Variants in PIEZO2 observed in about 807,000 individuals in gnomAD.
PIEZO2 encodes piezo-type mechanosensitive ion channel component 2.
A neutral mutation model predicts 337.3 loss-of-function variants in PIEZO2; 172 were observed. The ratio of observed to expected loss-of-function variants is 0.51; its 90% confidence interval spans 0.45 to 0.58. PIEZO2 has a LOEUF of 0.58. Among genes scored for constraint, PIEZO2 ranks in the 20% least tolerant of loss-of-function variants. The pLI is 0.00. For synonymous variants in PIEZO2, 1,251 were observed against 1,228.5 expected (o/e 1.02, Z -0.38); for missense variants, 3,028 against 3,391.3 (o/e 0.89, Z 2.66).
chr18:11,049,654 T>TC (rs1394498724), intron 2 of PIEZO2, among the ~76,000 whole-genome samples: 1 of 152,134 alleles, frequency 6.6e-6, no homozygotes, highest in East Asian at 1.9e-4. Context: ...GGGGATGGTT[T>TC]CCCCCATACT....
intron 21 of PIEZO2, among the ~76,000 whole-genome samples, chr18:10,765,064 G>A (rs897932246): frequency 6.6e-6 from 1 of 152,202 alleles, no homozygotes; most frequent in African/African-American, 2.4e-5. Flanking sequence ...GGAAGTAAAG[G>A]TGGTAACTTT....
intron 2 of PIEZO2, among the ~76,000 whole-genome samples, chr18:11,012,870 C>T (rs1490573625): frequency 1.3e-5 from 2 of 152,004 alleles, no homozygotes; most frequent in Non-Finnish European, 2.9e-5. Flanking sequence ...CACAGTGAGA[C>T]CAGTCTGTAC....
chr18:10,771,115 A>T (rs11876860), intron 20 of PIEZO2, among the ~76,000 whole-genome samples: 4,271 of 152,322 alleles, frequency 0.028, 197 homozygotes, highest in African/African-American at 0.097. Context: ...TCCTTCTAAA[A>T]GACATCTTTC....
intron 8 of PIEZO2, 89 bp from the exon 9 acceptor site, chr18:10,804,083 C>T (rs2039916975): frequency 3.5e-6 from 5 of 1,437,560 alleles, no homozygotes; most frequent in African/African-American, 2.9e-5. Flanking sequence ...CATTTTGGCT[C>T]AGTATGATGA....
chr18:10,866,524 A>T (rs541982664), intron 5 of PIEZO2, among the ~76,000 whole-genome samples: 65 of 152,244 alleles, frequency 4.3e-4, no homozygotes, highest in African/African-American at 1.5e-3. Flanking sequence ...CGACCTCGTG[A>T]TCTGCCCACC....
Position 11,065,992 on chromosome 18 carries a change from A to G in PIEZO2, c.160+135T>C. ...CTTAGTGTAGTTCTTAAAATGTTTG[A>G]CACCCACTCCATGCCATATTAGCCC... is the stretch of plus-strand genomic sequence containing the variant. On this transcript the variant is annotated intron_variant, in intron 2 of 55. Coordinates refer to ENST00000674853, the MANE Select transcript of PIEZO2 (RefSeq NM_001378183.1). The G allele has an allele frequency of 4.6e-6, 3 of 649,740 alleles. 1 individual carries two copies. Among genetic ancestry groups the G allele is most frequent in the Non-Finnish European group, 7.8e-6 (3 of 386,706 alleles). The allele number at this position is 649,740 out of a possible 1,614,324, so 40.2% of individuals were successfully genotyped here.
At chr18:11,084,839 C>T (rs2038863131) in intron 1 of PIEZO2, among the ~76,000 whole-genome samples, 1 of 152,174 alleles carries the variant, frequency 6.6e-6, no homozygotes, top group Non-Finnish European at 1.5e-5. Context: ...GGCCAGGCCC[C>T]TCCTTTGCCT....
rs1484605685 is a variant in PIEZO2 at position 10,863,905 on chromosome 18, C to T, written c.493-6694G>A. Among the ~76,000 whole-genome samples, 1 of 152,098 alleles carries T rather than the reference C, an allele frequency of 6.6e-6. No individual in the cohort carries two copies. Among genetic ancestry groups the T allele is most frequent in the Non-Finnish European group, 1.5e-5 (1 of 68,012 alleles). The stretch of plus-strand genomic sequence containing the variant: ...ACACACCTATATCATCCACTCAGTT[C>T]ACATTAGTTCCAGAGATTACTACTC... On this transcript the variant is annotated intron_variant, in intron 5 of 55. Transcript: ENST00000674853. The surrounding 1 kb of genome is among the most constrained non-coding windows in gnomAD (Gnocchi z 4.3).
At chr18:10,923,435 T>A (rs1432378093) in intron 3 of PIEZO2, among the ~76,000 whole-genome samples, 1 of 152,148 alleles carries the variant, frequency 6.6e-6, no homozygotes, top group African/African-American at 2.4e-5. Context: ...CAAAGGTGGA[T>A]CTCAGCATTC....
In PIEZO2 at chr18:11,047,933, A is replaced by G. The variant is rs2037377699; in HGVS notation, c.160+18194T>C. Among the ~76,000 whole-genome samples, 1 of 152,212 alleles carries G rather than the reference A, an allele frequency of 6.6e-6. No individual in the cohort carries two copies. Among genetic ancestry groups the G allele is most frequent in the Admixed American group, 6.5e-5 (1 of 15,276 alleles). On this transcript the variant is annotated intron_variant, in intron 2 of 55. Coordinates refer to ENST00000674853, the MANE Select transcript of PIEZO2 (RefSeq NM_001378183.1). This position sits in a 1 kb window ranked among gnomAD's most constrained non-coding sequence, Gnocchi z 7.2. ...TTGCCAGGAAAGAGGAAAAACAGGC[A>G]TCTTGAGGACGTGAAATCCACATGC...
At chr18:10,701,407 A>G (rs758454594) in intron 43 of PIEZO2, among the ~76,000 whole-genome samples, 3 of 152,236 alleles carry the variant, frequency 2.0e-5, no homozygotes, top group Non-Finnish European at 4.4e-5. Flanking sequence ...CAGCAGGATC[A>G]TGAGTGGCCT....
At chr18:10,688,122 C>G (rs905431216) in intron 49 of PIEZO2, among the ~76,000 whole-genome samples, 1 of 152,030 alleles carries the variant, frequency 6.6e-6, no homozygotes, top group South Asian at 2.1e-4. Context: ...GCCCCCCATG[C>G]GTTAGGTATT....
chr18:11,138,243 T>C (rs1285155945), intron 1 of PIEZO2, among the ~76,000 whole-genome samples: 1 of 152,216 alleles, frequency 6.6e-6, no homozygotes, highest in Admixed American at 6.5e-5. Flanking sequence ...TGTTCACAAT[T>C]TGAAAAACCT....
intron 3 of PIEZO2, among the ~76,000 whole-genome samples, chr18:10,936,487 G>C (rs2032406590): frequency 6.6e-6 from 1 of 152,100 alleles, no homozygotes; most frequent in South Asian, 2.1e-4. Context: ...CCAGCCTGTG[G>C]CAAGTCCTTG....
Position 10,726,014 on chromosome 18 carries a change from C to T in PIEZO2, c.5029+5393G>A, listed in dbSNP as rs756483273. On this transcript the variant is annotated intron_variant, in intron 36 of 55. Transcript: ENST00000674853. The surrounding 1 kb of genome is among the most constrained non-coding windows in gnomAD (Gnocchi z 5.9). ...TACCGAAGGCATCAGCGTGACTGTT[C>T]AGAATAATATGGGCACCCAGGATGT... Among the ~76,000 whole-genome samples, 1 of 152,158 alleles carries T rather than the reference C, an allele frequency of 6.6e-6. No individual in the cohort carries two copies. Among genetic ancestry groups the T allele is most frequent in the Admixed American group, 6.5e-5 (1 of 15,276 alleles).
chr18:11,071,099 A>T (rs1471515921), intron 1 of PIEZO2, among the ~76,000 whole-genome samples: 1 of 152,170 alleles, frequency 6.6e-6, no homozygotes, highest in African/African-American at 2.4e-5. Flanking sequence ...GGGAGAAGAG[A>T]ACAGGAATCG....
rs11437477 is a variant in PIEZO2, at chr18:11,123,809, CA to C, written c.64+24715del. On this transcript the variant is annotated intron_variant, in intron 1 of 55. Coordinates refer to ENST00000674853, the MANE Select transcript of PIEZO2 (RefSeq NM_001378183.1). ...TGGGCGAGAGAGGGAGACTCCGTCT[CA>C]AAAAAAAAAAAAGTAAACTGATTTA... Among the ~76,000 whole-genome samples, 272 of 134,946 alleles carry C rather than the reference CA, an allele frequency of 2.0e-3. 1 individual carries two copies. The highest frequency in any genetic ancestry group is 0.017 in the Middle Eastern group (4 of 240). The allele number at this position is 134,946 out of a possible 152,430, so 88.5% of individuals were successfully genotyped here.
At chr18:10,964,960 T>C (rs146074904) in intron 3 of PIEZO2, among the ~76,000 whole-genome samples, 72 of 152,384 alleles carry the variant, frequency 4.7e-4, no homozygotes, top group African/African-American at 1.7e-3. Flanking sequence ...AATATTCATA[T>C]ATTTTTTATG....
In PIEZO2 at chr18:10,962,698, G is replaced by A. The variant is rs553746507; in HGVS notation, c.286+16837C>T. ...AAACTTTCAGTAGGCATCCTGAGAC[G>A]TAGTATCATCTCAGTTTTTTAATTT... On this transcript the variant is annotated intron_variant, in intron 3 of 55. Transcript: ENST00000674853. The surrounding 1 kb of genome is among the most constrained non-coding windows in gnomAD (Gnocchi z 4.1). Among the ~76,000 whole-genome samples the A allele has an allele frequency of 5.9e-5, 9 of 152,224 alleles. No homozygotes were observed. The highest frequency in any genetic ancestry group is 3.4e-3 in the Middle Eastern group (1 of 294).
Sources: gnomAD v4.1 joint callset for allele counts (sites outside exome capture counted in the v4.1 genomes callset) on GRCh38, gnomAD v4.1.1 for gene constraint, Gnocchi (gnomAD v3.1) non-coding constraint, MANE v1.5 for transcripts, NCBI Gene and HGNC (gene_info 2026-07-23, HGNC 2026-07-21) for gene names.